Variants in TAF1B observed in about 807,000 individuals in gnomAD.
TAF1B encodes TATA box-binding protein-associated factor RNA polymerase I subunit B.
A neutral mutation model predicts 83.9 loss-of-function variants in TAF1B; 61 were observed. That is an observed-to-expected ratio of 0.73 (90% CI 0.59 to 0.90). The LOEUF (loss-of-function observed/expected upper bound fraction) is 0.90. Ranked by LOEUF, TAF1B falls within the 40% of genes least tolerant of loss-of-function variation. The pLI is 0.00. For missense variants in TAF1B, 625 were observed against 677.0 expected, an observed-to-expected ratio of 0.92 and a Z score of 0.85; for synonymous variants, 221 against 224.6, an observed-to-expected ratio of 0.98 and a Z score of 0.14.
chr2:9,859,389 T>A (rs1414860549), intron 5 of TAF1B, among the ~76,000 whole-genome samples: 1 of 150,360 alleles, frequency 6.7e-6, no homozygotes, highest in Non-Finnish European at 1.5e-5. Flanking sequence ...TATCAGCATT[T>A]TTTTTTTTTT....
At chr2:9,873,495 C>T (rs1664231176) in intron 6 of TAF1B, among the ~76,000 whole-genome samples, 1 of 152,124 alleles carries the variant, frequency 6.6e-6, no homozygotes, top group South Asian at 2.1e-4. Flanking sequence ...TATCTCTAGT[C>T]CCACCTCTCC....
intron 8 of TAF1B, among the ~76,000 whole-genome samples, chr2:9,899,185 G>A (rs1304895341): frequency 2.0e-5 from 3 of 151,890 alleles, no homozygotes; most frequent in Admixed American, 2.0e-4. Flanking sequence ...TCCAGCCTCT[G>A]GTAAACACCA....
chr2:9,916,895 G>A (rs1209623428), intron 12 of TAF1B, among the ~76,000 whole-genome samples: 1 of 142,264 alleles, frequency 7.0e-6, no homozygotes, highest in Non-Finnish European at 1.5e-5. Flanking sequence ...CTGGAGTGCT[G>A]GAGTGCAATG....
chr2:9,855,211 T>A (rs1663523195), intron 5 of TAF1B, among the ~76,000 whole-genome samples: 1 of 152,210 alleles, frequency 6.6e-6, no homozygotes. Context: ...GCCAGGCTGA[T>A]CTTGAGCTCC....
chr2:9,908,275 G>A (rs939581867), intron 9 of TAF1B, among the ~76,000 whole-genome samples: 17 of 151,394 alleles, frequency 1.1e-4, no homozygotes, highest in African/African-American at 4.1e-4. Context: ...TGGATCTCCT[G>A]ACCTCAGGTG....
chr2:9,868,366 G>GC lies in TAF1B; in HGVS notation c.491dup (p.Glu165GlyfsTer5). On this transcript the variant is annotated frameshift_variant, in exon 6 of 15. Coordinates refer to ENST00000263663, the MANE Select transcript of TAF1B (RefSeq NM_005680.3). LOFTEE classifies it high-confidence loss of function. ...CTGTCCTCCTTTTCTTGAAAGTGGA[G>GC]CGGAGTCTCAGTCTGACATCCACAC... 6.2e-7 allele frequency: 1 copy of GC among 1,614,164 alleles called. No individual in the cohort carries two copies. Among genetic ancestry groups the GC allele is most frequent in the Non-Finnish European group, 8.5e-7 (1 of 1,180,018 alleles).
intron 12 of TAF1B, among the ~76,000 whole-genome samples, chr2:9,917,460 C>A (rs1665715829): frequency 1.4e-5 from 2 of 143,158 alleles, no homozygotes; most frequent in Admixed American, 1.4e-4. Flanking sequence ...CTGGAAAGTT[C>A]ACAGATATTT....
chr2:9,861,059 A>T (rs1304069102), intron 5 of TAF1B, among the ~76,000 whole-genome samples: 2 of 152,332 alleles, frequency 1.3e-5, no homozygotes, highest in Non-Finnish European at 2.9e-5. Flanking sequence ...TTCCAACTAA[A>T]GTACTGGGTT....
At chr2:9,871,334 G>A (rs1486842790) in intron 6 of TAF1B, among the ~76,000 whole-genome samples, 3 of 151,968 alleles carry the variant, frequency 2.0e-5, no homozygotes, top group African/African-American at 7.3e-5. Context: ...TGCCCACCTC[G>A]GCCTCCCAAA....
intron 1 of TAF1B, among the ~76,000 whole-genome samples, chr2:9,844,149 C>T (rs1382925918): frequency 6.6e-6 from 1 of 152,084 alleles, no homozygotes; most frequent in Non-Finnish European, 1.5e-5. Context: ...TAAAATGGCA[C>T]ATTTTTGTTT....
intron 5 of TAF1B, among the ~76,000 whole-genome samples, chr2:9,861,695 C>G (rs1371820370): frequency 1.3e-5 from 2 of 152,206 alleles, no homozygotes; most frequent in South Asian, 2.1e-4. Flanking sequence ...GAGGCACCCC[C>G]CAGTAGGGGC....
intron 5 of TAF1B, among the ~76,000 whole-genome samples, chr2:9,862,043 C>T (rs1409647433): frequency 2.0e-5 from 2 of 100,748 alleles, no homozygotes; most frequent in African/African-American, 5.4e-5. Flanking sequence ...GAACGCCTCT[C>T]CTCCAAAGGA....
In TAF1B at chr2:9,910,722, G is replaced by A; in HGVS notation, c.956-14G>A. ...GTTGGCAAATAATTTACATTTTACT[G>A]TTTTGTTCTTCAGATGAAATGCATA... On this transcript the variant is annotated splice_polypyrimidine_tract_variant and intron_variant, in intron 9 of 14. Transcript: ENST00000263663. 3.1e-6 allele frequency: 5 copies of A among 1,601,554 alleles called. No individual in the cohort carries two copies. Among genetic ancestry groups the A allele is most frequent in the South Asian group, 1.1e-5 (1 of 89,688 alleles).
chr2:9,899,780 A>G (rs1558257103), intron 8 of TAF1B, among the ~76,000 whole-genome samples: 1 of 152,240 alleles, frequency 6.6e-6, no homozygotes, highest in Non-Finnish European at 1.5e-5. Flanking sequence ...AATGCCATTA[A>G]CATTTGCTAT....
chr2:9,860,084 A>G (rs531970863), intron 5 of TAF1B, among the ~76,000 whole-genome samples: 1 of 152,218 alleles, frequency 6.6e-6, no homozygotes, highest in African/African-American at 2.4e-5. Context: ...AAACAGTCAG[A>G]TCTCATGAGA....
At chr2:9,919,294 A>C (rs1665796037) in intron 13 of TAF1B, among the ~76,000 whole-genome samples, 183 bp downstream of exon 13, 1 of 152,226 alleles carries the variant, frequency 6.6e-6, no homozygotes, top group African/African-American at 2.4e-5. Context: ...CTACTTCAGG[A>C]ATATGTCGTT....
chr2:9,882,189 C>T (rs1266271351), intron 7 of TAF1B, among the ~76,000 whole-genome samples: 2 of 152,108 alleles, frequency 1.3e-5, no homozygotes, highest in East Asian at 1.9e-4. Context: ...CAACCTCCGC[C>T]TCCCAGGTTC....
At chr2:9,851,394 CAAGATGCT>C in intron 3 of TAF1B, 139 bp from the exon 4 acceptor site, 1 of 504,692 alleles carries the variant, frequency 2.0e-6, no homozygotes, top group Non-Finnish European at 3.3e-6. Flanking sequence ...CAAAAAAATT[CAAGATGCT>C]AAGCTGCTAA....
At chr2:9,888,952 C>G (rs914548195) in intron 8 of TAF1B, among the ~76,000 whole-genome samples, 1 of 147,478 alleles carries the variant, frequency 6.8e-6, no homozygotes, top group Non-Finnish European at 1.5e-5. Context: ...TACAGACATG[C>G]GCCACCACAC....
Sources: gnomAD v4.1 joint callset for allele counts (sites outside exome capture counted in the v4.1 genomes callset) on GRCh38, gnomAD v4.1.1 for gene constraint, MANE v1.5 for transcripts, NCBI Gene and HGNC (gene_info 2026-07-23, HGNC 2026-07-21) for gene names.